Variants in LPIN2 observed in about 807,000 individuals in gnomAD.
LPIN2 encodes the protein phosphatidate phosphatase LPIN2.
In LPIN2, 55 loss-of-function variants were observed where a neutral mutation model predicts 111.4. That is an observed-to-expected ratio of 0.49 (90% CI 0.40 to 0.62). LPIN2 has a LOEUF of 0.62. LPIN2 is among the 20% of genes least tolerant of loss of function. The pLI, the probability that LPIN2 is intolerant of heterozygous loss-of-function variation, is 0.00. For synonymous variants in LPIN2, 425 were observed against 414.0 expected (o/e 1.03, Z -0.32); for missense variants, 992 against 1,112.1 (o/e 0.89, Z 1.54).
At chr18:2,985,969 G>A (rs2078180475) in intron 1 of LPIN2, among the ~76,000 whole-genome samples, 1 of 152,116 alleles carries the variant, frequency 6.6e-6, no homozygotes, top group African/African-American at 2.4e-5. Context: ...TTCCTCTATA[G>A]TGAAGAACCT....
At chr18:2,999,387 G>C (rs933675030) in intron 1 of LPIN2, among the ~76,000 whole-genome samples, 1 of 151,924 alleles carries the variant, frequency 6.6e-6, no homozygotes, top group South Asian at 2.1e-4. Context: ...ACGAGGTCAG[G>C]AGATCGAGAC....
rs11407306 is a variant in LPIN2, at chr18:2,998,684, A to ATT, written c.-10+14401_-10+14402dup. Among the ~76,000 whole-genome samples, 279 of 150,948 alleles carry ATT rather than the reference A, an allele frequency of 1.8e-3. 1 individual carries two copies. The highest frequency in any genetic ancestry group is 4.1e-3 in the African/African-American group (168 of 41,176). ...CCCAGAACAGGAAAATACATGACAG[A>ATT]TTTTTTTTTAAGCAACAAAGCTCCA... On this transcript the variant is annotated intron_variant, in intron 1 of 19. Transcript: ENST00000677752.
chr18:2,960,605 C>G, intron 2 of LPIN2, 44 bp downstream of exon 2: 3 of 1,594,518 alleles, frequency 1.9e-6, no homozygotes, highest in Non-Finnish European at 2.6e-6. Flanking sequence ...CTCACTTTCT[C>G]TTTGAATCTC....
chr18:2,992,621 T>A (rs2078281568), intron 1 of LPIN2, among the ~76,000 whole-genome samples: 1 of 152,066 alleles, frequency 6.6e-6, no homozygotes, highest in Non-Finnish European at 1.5e-5. Flanking sequence ...GAGGCCAAGG[T>A]GGGCAGATCT....
chr18:2,924,535 C>T lies in LPIN2; in HGVS notation c.1950G>A (p.Lys650=). The T allele has an allele frequency of 6.2e-7, 1 of 1,614,202 alleles. No homozygotes were observed. The highest frequency in any genetic ancestry group is 8.5e-7 in the Non-Finnish European group (1 of 1,180,030). Residue 650 remains lysine (K), a synonymous_variant, in exon 15 of 20, where the codon AAG becomes AAA. Coordinates refer to ENST00000677752, the MANE Select transcript of LPIN2 (RefSeq NM_001375808.2). ...CAACATCATTTGGGCCATCGTGGAGCTTCAGTTTTGCCTTTTAAAAAAGCA... is the reference window on the plus strand; with the variant it reads ...CAACATCATTTGGGCCATCGTGGAGTTTCAGTTTTGCCTTTTAAAAAAGCA... The part of the protein sequence containing the change: ...RLSSDQIAKL[K]LHDGPNDVVF...
chr18:2,943,329 T>C (rs2077393811), intron 4 of LPIN2, among the ~76,000 whole-genome samples: 1 of 152,138 alleles, frequency 6.6e-6, no homozygotes, highest in Non-Finnish European at 1.5e-5. Flanking sequence ...AGATAAATAT[T>C]ATTCAGATTT....
At chr18:2,929,242 T>C (rs2077180026) in intron 9 of LPIN2, 84 bp from the exon 10 acceptor site, 2 of 914,590 alleles carry the variant, frequency 2.2e-6, no homozygotes, top group Admixed American at 1.9e-5. Flanking sequence ...ATTGCAGAAA[T>C]TGAAGGCTAA....
At chr18:2,978,301 T>A (rs1376065784) in intron 1 of LPIN2, among the ~76,000 whole-genome samples, 4 of 152,202 alleles carry the variant, frequency 2.6e-5, no homozygotes. Flanking sequence ...GGAAAAAATT[T>A]TAACTCTATA....
rs199713353 is a variant in LPIN2 at position 2,923,868 on chromosome 18, A to C, written c.2088-7T>G. The C allele has an allele frequency of 7.6e-5, 123 of 1,612,828 alleles. No individual in the cohort carries two copies. The highest frequency in any genetic ancestry group is 2.1e-4 in the African/African-American group (16 of 75,020). Reference sequence around the variant, plus strand: ...CTGTCCCAAAGCATCCGACCTAAGAAGACGGTAGAAACAGGAAAAGCTATC... The same window carrying C: ...CTGTCCCAAAGCATCCGACCTAAGACGACGGTAGAAACAGGAAAAGCTATC... On this transcript the variant is annotated splice_polypyrimidine_tract_variant and splice_region_variant and intron_variant, in intron 15 of 19. Transcript: ENST00000677752.
At chr18:3,002,141 T>A (rs552602850) in intron 1 of LPIN2, among the ~76,000 whole-genome samples, 1 of 145,942 alleles carries the variant, frequency 6.9e-6, no homozygotes, top group South Asian at 2.2e-4. Flanking sequence ...GTCATGAAGA[T>A]ACCACACTTA....
At chr18:3,012,821 C>G (rs1186577007) in intron 1 of LPIN2, among the ~76,000 whole-genome samples, 3 of 151,756 alleles carry the variant, frequency 2.0e-5, no homozygotes. Flanking sequence ...CCCGGCTCCC[C>G]GCGCACCCCG....
intron 15 of LPIN2, 86 bp from the exon 16 acceptor site, chr18:2,923,947 A>T: frequency 9.6e-7 from 1 of 1,044,734 alleles, no homozygotes; most frequent in Non-Finnish European, 1.5e-6. Context: ...AGCTGCCAAT[A>T]ACTAATTGGT....
intron 4 of LPIN2, among the ~76,000 whole-genome samples, chr18:2,942,602 C>T (rs1211778245): frequency 6.6e-6 from 1 of 152,184 alleles, no homozygotes; most frequent in African/African-American, 2.4e-5. Flanking sequence ...TCAGGTACCA[C>T]CTGAATTCAC....
intron 12 of LPIN2, 79 bp from the exon 13 acceptor site, chr18:2,926,884 G>T: frequency 9.1e-7 from 1 of 1,102,756 alleles, no homozygotes. Context: ...CCCTCTCTAG[G>T]AAAGAACACA....
chr18:2,981,790 G>A (rs1405863225), intron 1 of LPIN2, among the ~76,000 whole-genome samples: 3,471 of 152,180 alleles, frequency 0.023, 118 homozygotes, highest in African/African-American at 0.079. Context: ...AAAAAGCAGA[G>A]TGTGATAACA....
chr18:2,980,806 C>A lies in LPIN2; in HGVS notation c.-9-19957G>T, dbSNP rs1388465014. On this transcript the variant is annotated intron_variant, in intron 1 of 19. Transcript: ENST00000677752. ...GGTCAGGTGACCTCTAGAGTCCCCCCCCAGCTCTAAACTGCAGAAAAGCTC... is the reference window on the plus strand; with the variant it reads ...GGTCAGGTGACCTCTAGAGTCCCCCACCAGCTCTAAACTGCAGAAAAGCTC... 2.0e-5 allele frequency among the ~76,000 whole-genome samples: 3 copies of A among 152,106 alleles called. No individual in the cohort carries two copies. In the South Asian group the frequency reaches 6.2e-4, roughly 32 times the overall value.
chr18:2,924,390 G>C lies in LPIN2; in HGVS notation c.2087+8C>G. ...TTCCTTGCCACCCACCTGAAGGATT[G>C]AGCTTACTTGGTTATTGTCCCATCA... On this transcript the variant is annotated splice_region_variant and intron_variant, in intron 15 of 19. Coordinates refer to ENST00000677752, the MANE Select transcript of LPIN2 (RefSeq NM_001375808.2). The C allele has an allele frequency of 6.2e-7, 1 of 1,614,066 alleles. No homozygotes were observed. Among genetic ancestry groups the C allele is most frequent in the African/African-American group, 1.3e-5 (1 of 75,002 alleles).
At position 2,918,782 on chromosome 18, in the gene LPIN2, T is replaced by C. The variant is rs1014292658; in HGVS notation, c.*1511A>G. The C allele has an allele frequency of 9.9e-5, 15 of 152,198 alleles. No homozygotes were observed. Among genetic ancestry groups the C allele is most frequent in the African/African-American group, 3.6e-4 (15 of 41,444 alleles). 9.4% of individuals were successfully genotyped at this position (152,198 alleles called of 1,614,324 possible). On this transcript the variant is annotated 3_prime_UTR_variant, in exon 20 of 20. Transcript: ENST00000677752. Reference sequence around the variant, plus strand: ...CAATCTGGAAAAATAACCACCCCTATTTCTCTATCTCTAGATCAGCATTAT... The same window carrying C: ...CAATCTGGAAAAATAACCACCCCTACTTCTCTATCTCTAGATCAGCATTAT...
chr18:3,004,235 T>G (rs1317640777), intron 1 of LPIN2, among the ~76,000 whole-genome samples: 1 of 152,164 alleles, frequency 6.6e-6, no homozygotes, highest in African/African-American at 2.4e-5. Context: ...TTATTGCCCT[T>G]TGAAGCATGG....
Sources: gnomAD v4.1 joint callset for allele counts (sites outside exome capture counted in the v4.1 genomes callset) on GRCh38, gnomAD v4.1.1 for gene constraint, MANE v1.5 for transcripts, NCBI Gene and HGNC (gene_info 2026-07-23, HGNC 2026-07-21) for gene names.